PPP2R3C: variants seen among roughly 807,000 people sequenced by gnomAD.
The protein encoded by PPP2R3C is protein phosphatase 2 regulatory subunit B''gamma.
Under a neutral mutation model 63.7 loss-of-function variants are expected in PPP2R3C, and 47 were observed. The observed-to-expected ratio is 0.74, with a 90% CI of 0.58 to 0.94. PPP2R3C has a LOEUF of 0.94. Ranked by LOEUF, PPP2R3C falls within the 40% of genes least tolerant of loss-of-function variation. The pLI, the probability that PPP2R3C is intolerant of heterozygous loss-of-function variation, is 0.00. For synonymous variants in PPP2R3C, 180 were observed against 177.4 expected, an observed-to-expected ratio of 1.01 and a Z score of -0.12; for missense variants, 421 against 518.4, an observed-to-expected ratio of 0.81 and a Z score of 1.82.
At chr14:35,108,337 T>C (rs2046425821) in intron 4 of PPP2R3C, 101 bp from the exon 5 acceptor site, 2 of 1,382,492 alleles carry the variant, frequency 1.4e-6, no homozygotes, top group Admixed American at 6.6e-5. Context: ...CAATTAAAAA[T>C]GAAAGAACAA....
At chr14:35,102,814 G>A (rs2046241762) in intron 6 of PPP2R3C, 1 of 152,262 alleles carries the variant, frequency 6.6e-6, no homozygotes, top group African/African-American at 2.4e-5. Flanking sequence ...AAGCTGGAGT[G>A]CAGTGGCTCA....
intron 4 of PPP2R3C, among the ~76,000 whole-genome samples, chr14:35,109,142 C>T (rs1595116099): frequency 2.0e-5 from 3 of 151,990 alleles, no homozygotes; most frequent in South Asian, 2.1e-4. Flanking sequence ...CTGCAACCTC[C>T]GCCTCCAGGG....
intron 2 of PPP2R3C, among the ~76,000 whole-genome samples, chr14:35,115,121 G>A (rs1475644821): frequency 6.6e-6 from 1 of 150,538 alleles, no homozygotes; most frequent in African/African-American, 2.4e-5. Context: ...CAGGCGAATT[G>A]CCCTACCATT....
chr14:35,106,902 G>C (rs973542782), intron 6 of PPP2R3C, among the ~76,000 whole-genome samples: 25 of 151,990 alleles, frequency 1.6e-4, no homozygotes, highest in Middle Eastern at 3.4e-3. Context: ...CCCGACCTCA[G>C]GTGATCCGCC....
Position 35,108,218 on chromosome 14 carries a change from T to C in PPP2R3C, c.423A>G (p.Lys141=), listed in dbSNP as rs2046423081. The change falls in exon 5 of 13, where the codon AAA becomes AAG. Residue 141 remains lysine (K), a synonymous_variant. Coordinates refer to ENST00000261475, the MANE Select transcript of PPP2R3C (RefSeq NM_017917.4). ...GAKCKQFFTA[K]VFAKLLHTDS... The stretch of plus-strand genomic sequence containing the variant: ...CTGTATGAAGGAGTTTAGCAAAGAC[T>C]TTTGCTGTGAAAAATTGCCTAAGAA... 6.3e-7 allele frequency: 1 copy of C among 1,576,846 alleles called. No homozygotes were observed. Among genetic ancestry groups the C allele is most frequent in the African/African-American group, 1.4e-5 (1 of 72,654 alleles).
At chr14:35,116,539 G>C (rs1424785572) in intron 2 of PPP2R3C, 71 bp downstream of exon 2, 16 of 1,297,798 alleles carry the variant, frequency 1.2e-5, no homozygotes, top group Non-Finnish European at 1.6e-5. Context: ...ACAGGTATGA[G>C]CCACCCTGCC....
chr14:35,117,196 C>A (rs1566428583), intron 1 of PPP2R3C: 3 of 453,818 alleles, frequency 6.6e-6, no homozygotes, highest in Admixed American at 2.4e-5. Context: ...AGAAAACAAA[C>A]AAAAAAACTC....
chr14:35,119,061 G>A (rs1346586529), intron 1 of PPP2R3C, among the ~76,000 whole-genome samples: 1 of 137,272 alleles, frequency 7.3e-6, no homozygotes, highest in African/African-American at 2.7e-5. Context: ...TTTTTGAGAT[G>A]TAGTCTCGTT....
chr14:35,118,221 G>A (rs184060615), intron 1 of PPP2R3C, among the ~76,000 whole-genome samples: 248 of 152,232 alleles, frequency 1.6e-3, no homozygotes, highest in African/African-American at 5.7e-3. Flanking sequence ...AAGGGGAACA[G>A]AAAAATGAGG....
intron 4 of PPP2R3C, among the ~76,000 whole-genome samples, chr14:35,108,960 A>G (rs1341573792): frequency 1.3e-5 from 2 of 150,328 alleles, no homozygotes; most frequent in African/African-American, 4.9e-5. Flanking sequence ...AGTTTTTTTT[A>G]TTTTGCAGAG....
At chr14:35,092,349 G>A (rs777437285) in intron 10 of PPP2R3C, among the ~76,000 whole-genome samples, 12 of 151,872 alleles carry the variant, frequency 7.9e-5, no homozygotes, top group Non-Finnish European at 1.8e-4. Flanking sequence ...GGACTAGAGG[G>A]ATGAACTACT....
At chr14:35,095,985 A>G (rs1183346079) in intron 9 of PPP2R3C, among the ~76,000 whole-genome samples, 1 of 152,108 alleles carries the variant, frequency 6.6e-6, no homozygotes, top group Admixed American at 6.6e-5. Flanking sequence ...GTTCATAATG[A>G]TGCTCCTGAG....
rs900269666 is a variant in PPP2R3C, at chr14:35,115,683, G to A, written c.186+927C>T. 8.6e-5 allele frequency among the ~76,000 whole-genome samples: 13 copies of A among 151,618 alleles called. 1 individual carries two copies. Among genetic ancestry groups the A allele is most frequent in the Admixed American group, 2.6e-4 (4 of 15,228 alleles). On this transcript the variant is annotated intron_variant, in intron 2 of 12. Transcript: ENST00000261475. The stretch of plus-strand genomic sequence containing the variant: ...GTCACCCAGGCTGGAGTGCAGTGGC[G>A]CGATCTGGGCTCACTACAACCTCCA...
At chr14:35,116,291 A>G (rs114038072) in intron 2 of PPP2R3C, among the ~76,000 whole-genome samples, 16,048 of 152,082 alleles carry the variant, frequency 0.11, 1,068 homozygotes, top group African/African-American at 0.19. Context: ...TAACTCTGTT[A>G]CCCAGGCTGG....
chr14:35,095,347 A>G (rs551578801), intron 9 of PPP2R3C, among the ~76,000 whole-genome samples, 163 bp from the exon 10 acceptor site: 65 of 152,290 alleles, frequency 4.3e-4, no homozygotes, highest in African/African-American at 1.5e-3. Context: ...TACCTTTGCA[A>G]TCTTGATCAG....
chr14:35,107,524 A>G (rs2046402421), intron 5 of PPP2R3C, 150 bp from the exon 6 acceptor site: 1 of 622,756 alleles, frequency 1.6e-6, no homozygotes, highest in Admixed American at 2.9e-5. Context: ...AAAAAACCAT[A>G]GAATGGAAGA....
At chr14:35,115,564 C>A (rs948803848) in intron 2 of PPP2R3C, among the ~76,000 whole-genome samples, 3 of 151,590 alleles carry the variant, frequency 2.0e-5, no homozygotes, top group African/African-American at 7.3e-5. Context: ...GTCTATACGT[C>A]CCTTCATAGC....
At chr14:35,088,230 T>G (rs1015963936) in intron 11 of PPP2R3C, among the ~76,000 whole-genome samples, 4 of 152,196 alleles carry the variant, frequency 2.6e-5, no homozygotes, top group Non-Finnish European at 5.9e-5. Flanking sequence ...ACCTATATCT[T>G]AACTATTGAG....
rs1328693081 is a variant in PPP2R3C at position 35,091,610 on chromosome 14, G to A, written c.976-403C>T. ...TCGAACTCCCGACCTCAGGTGATCC[G>A]CCCGCCTCAGCCTCCCAAAGTGCTG... On this transcript the variant is annotated intron_variant, in intron 10 of 12. Transcript: ENST00000261475. Among the ~76,000 whole-genome samples, 18 of 151,844 alleles carry A rather than the reference G, an allele frequency of 1.2e-4. 1 individual carries two copies. Among genetic ancestry groups the A allele is most frequent in the Admixed American group, 5.2e-4 (8 of 15,256 alleles).
Sources: allele counts gnomAD v4.1 joint callset (sites outside exome capture counted in the v4.1 genomes callset), GRCh38; gene constraint gnomAD v4.1.1; transcripts MANE v1.5; gene names NCBI Gene and HGNC (gene_info 2026-07-23, HGNC 2026-07-21).